NCOA7: variants seen among roughly 807,000 people sequenced by gnomAD.
NCOA7 encodes the protein nuclear receptor coactivator 7, also known as 140 kDa estrogen receptor-associated protein.
Under a neutral mutation model 104.3 loss-of-function variants are expected in NCOA7, and 45 were observed. The observed-to-expected ratio is 0.43, with a 90% CI of 0.34 to 0.55. NCOA7 has a LOEUF of 0.55. Among genes scored for constraint, NCOA7 ranks in the 20% least tolerant of loss-of-function variants. NCOA7 has a pLI of 0.02. For missense variants in NCOA7, 1,041 were observed against 1,119.7 expected, an observed-to-expected ratio of 0.93 and a Z score of 1.00; for synonymous variants, 398 against 402.3, an observed-to-expected ratio of 0.99 and a Z score of 0.13.
intron 10 of NCOA7, among the ~76,000 whole-genome samples, chr6:125,909,666 C>T (rs549664852): frequency 2.6e-5 from 4 of 151,992 alleles, no homozygotes; most frequent in Non-Finnish European, 5.9e-5. Context: ...AAAAATTAGC[C>T]GGGAGTGGTG....
intron 2 of NCOA7, among the ~76,000 whole-genome samples, chr6:125,834,594 C>T (rs2128596126): frequency 6.6e-6 from 1 of 152,334 alleles, no homozygotes; most frequent in Middle Eastern, 3.4e-3. Context: ...TCATCTCACT[C>T]TACTTTAGCA....
At chr6:125,822,764 G>A (rs144385351) in intron 2 of NCOA7, among the ~76,000 whole-genome samples, 5 of 151,974 alleles carry the variant, frequency 3.3e-5, no homozygotes, top group African/African-American at 9.6e-5. Context: ...GTGAAACCCC[G>A]TCTCTACTAA....
At chr6:125,899,886 C>T in intron 10 of NCOA7, 1 of 471,476 alleles carries the variant, frequency 2.1e-6, no homozygotes, top group Non-Finnish European at 4.6e-6. Flanking sequence ...AAATAATCTT[C>T]TTTGTAAGTG....
At chr6:125,838,005 A>G (rs1779775455) in intron 2 of NCOA7, among the ~76,000 whole-genome samples, 1 of 152,178 alleles carries the variant, frequency 6.6e-6, no homozygotes, top group Non-Finnish European at 1.5e-5. Flanking sequence ...CCCTTTGATA[A>G]CAAAGCCCTT....
intron 10 of NCOA7, among the ~76,000 whole-genome samples, chr6:125,912,783 C>A (rs1470326048): frequency 6.6e-6 from 1 of 152,196 alleles, no homozygotes. Context: ...TCCCTCCCAA[C>A]ACTCAGCTTT....
At chr6:125,926,228 T>A (rs1188028253) in intron 13 of NCOA7, among the ~76,000 whole-genome samples, 2 of 151,586 alleles carry the variant, frequency 1.3e-5, no homozygotes, top group African/African-American at 4.9e-5. Flanking sequence ...GGAGAATCAC[T>A]TGAACCTAGG....
upstream of NCOA7, chr6:125,790,762 C>G (rs114145484): frequency 0.12 from 18,227 of 152,382 alleles, 1,440 homozygotes; most frequent in African/African-American, 0.23. Flanking sequence ...CGTAGCGGCC[C>G]ATGCCCTGAC....
chr6:125,926,284 C>T (rs1321988693), intron 13 of NCOA7, among the ~76,000 whole-genome samples: 1 of 150,038 alleles, frequency 6.7e-6, no homozygotes, highest in Non-Finnish European at 1.5e-5. Flanking sequence ...TGCACTCCAG[C>T]CTGGGCAACA....
intron 2 of NCOA7, among the ~76,000 whole-genome samples, chr6:125,847,161 C>G (rs1295596785): frequency 6.6e-6 from 1 of 151,988 alleles, no homozygotes; most frequent in South Asian, 2.1e-4. Flanking sequence ...TGTATGTACC[C>G]TTGTACACAT....
At chr6:125,900,046 T>C in intron 10 of NCOA7, 1 of 533,028 alleles carries the variant, frequency 1.9e-6, no homozygotes, top group Non-Finnish European at 3.9e-6. Flanking sequence ...ACAGTAATGA[T>C]TGCAAACCTA....
chr6:125,877,092 G>A (rs1276692357), intron 4 of NCOA7, among the ~76,000 whole-genome samples: 2 of 152,042 alleles, frequency 1.3e-5, no homozygotes, highest in African/African-American at 4.8e-5. Flanking sequence ...AGAAGTAGTG[G>A]CATATGTTGT....
At chr6:125,785,578 C>T (rs182716884) in intron 1 of NCOA7, among the ~76,000 whole-genome samples, 3 of 152,110 alleles carry the variant, frequency 2.0e-5, no homozygotes, top group Admixed American at 6.5e-5. Context: ...TACAAACCAC[C>T]ACCACATAAT....
chr6:125,793,508 G>A (rs768184253), intron 1 of NCOA7, among the ~76,000 whole-genome samples: 8 of 152,080 alleles, frequency 5.3e-5, no homozygotes, highest in Admixed American at 2.6e-4. Flanking sequence ...AACCAAATGC[G>A]CAGTGCCTCT....
chr6:125,908,433 C>T (rs1158350790), intron 10 of NCOA7, among the ~76,000 whole-genome samples: 1 of 152,176 alleles, frequency 6.6e-6, no homozygotes, highest in Non-Finnish European at 1.5e-5. Context: ...GACCACTTCT[C>T]TAACCCCTTT....
intron 2 of NCOA7, among the ~76,000 whole-genome samples, chr6:125,847,744 G>T (rs1363913309): frequency 6.6e-6 from 1 of 152,176 alleles, no homozygotes; most frequent in Non-Finnish European, 1.5e-5. Flanking sequence ...AGAGGCATGG[G>T]CAAGGACTTC....
intron 10 of NCOA7, among the ~76,000 whole-genome samples, chr6:125,892,324 C>G (rs1378623194): frequency 1.3e-5 from 2 of 152,118 alleles, no homozygotes; most frequent in Non-Finnish European, 2.9e-5. Context: ...ATTTTACTGT[C>G]ATTTTTAACC....
chr6:125,916,214 C>T (rs1787064994), intron 11 of NCOA7, among the ~76,000 whole-genome samples: 1 of 152,218 alleles, frequency 6.6e-6, no homozygotes, highest in African/African-American at 2.4e-5. Context: ...GCTCGCTCTC[C>T]TGCCGCCTTG....
chr6:125,877,021 T>C (rs1783438417), intron 4 of NCOA7, among the ~76,000 whole-genome samples: 1 of 152,242 alleles, frequency 6.6e-6, no homozygotes, highest in South Asian at 2.1e-4. Context: ...TACAAATACA[T>C]AATACAGTAT....
At chr6:125,815,455 A>G (rs1777501318) in intron 2 of NCOA7, 51 bp downstream of exon 2, 3 of 1,480,564 alleles carry the variant, frequency 2.0e-6, no homozygotes, top group Non-Finnish European at 2.8e-6. Flanking sequence ...GAAATATTTG[A>G]GGGGACTTTG....
Sources: allele counts gnomAD v4.1 joint callset (sites outside exome capture counted in the v4.1 genomes callset), GRCh38; gene constraint gnomAD v4.1.1; transcripts MANE v1.5; gene names NCBI Gene and HGNC (gene_info 2026-07-23, HGNC 2026-07-21).